STXBP4: variants seen among roughly 807,000 people sequenced by gnomAD.
STXBP4 encodes syntaxin-binding protein 4.
Under a neutral mutation model 76.1 loss-of-function variants are expected in STXBP4, and 55 were observed. The ratio of observed to expected loss-of-function variants is 0.72; its 90% CI spans 0.58 to 0.91. STXBP4 has a LOEUF of 0.91. STXBP4 is among the 40% of genes least tolerant of loss of function. The pLI is 0.00. For missense variants in STXBP4, 618 were observed against 636.9 expected (o/e 0.97, Z 0.32); for synonymous variants, 201 against 220.2 (o/e 0.91, Z 0.77).
chr17:55,130,631 T>C (rs2079964246), intron 16 of STXBP4, among the ~76,000 whole-genome samples: 1 of 152,186 alleles, frequency 6.6e-6, no homozygotes, highest in South Asian at 2.1e-4. Context: ...TTATCCCTCC[T>C]ATGTAACTGA....
At chr17:54,995,693 AGATAAATATCAGGATCAGGCCTCTG>A (rs1483159337) in intron 4 of STXBP4, among the ~76,000 whole-genome samples, 6 of 152,244 alleles carry the variant, frequency 3.9e-5, no homozygotes, top group Non-Finnish European at 7.3e-5. Context: ...TAAGGCTTTT[AGATAAATATCAGGATCAGGCCTCTG>A]GATGGCAAAC....
rs946306342 is a variant in STXBP4, at chr17:55,168,900, C to G, written c.*8989C>G. The G allele has an allele frequency of 2.6e-4, 39 of 152,234 alleles. No individual in the cohort carries two copies. Among genetic ancestry groups the G allele is most frequent in the Admixed American group, 9.2e-4 (14 of 15,294 alleles). 9.4% of individuals were successfully genotyped at this position (152,234 alleles called of 1,614,324 possible). On this transcript the variant is annotated 3_prime_UTR_variant, in exon 18 of 18. Coordinates refer to ENST00000376352, the MANE Select transcript of STXBP4 (RefSeq NM_178509.6). ...GACTTAATAGAAAAATTTTAGATAA[C>G]AATCAGGATTCATACTCTTCTCAAT...
chr17:55,077,560 G>A (rs1294800953), intron 13 of STXBP4, among the ~76,000 whole-genome samples: 2 of 152,186 alleles, frequency 1.3e-5, no homozygotes, highest in Middle Eastern at 3.4e-3. Flanking sequence ...TAGGCCACCA[G>A]GGATCAGCAT....
chr17:55,005,965 G>GTA (rs1182964325), intron 7 of STXBP4, among the ~76,000 whole-genome samples: 2 of 151,776 alleles, frequency 1.3e-5, no homozygotes, highest in East Asian at 3.9e-4. Flanking sequence ...GTGTATGTGT[G>GTA]TATATATATG....
At chr17:55,155,412 T>A (rs1025162407) in intron 17 of STXBP4, among the ~76,000 whole-genome samples, 1 of 152,222 alleles carries the variant, frequency 6.6e-6, no homozygotes, top group South Asian at 2.1e-4. Context: ...TTCCAGTGAT[T>A]CAAAGTTACT....
chr17:55,182,196 T>C, the STXBP4 span, among the ~76,000 whole-genome samples: 4 of 152,252 alleles, frequency 2.6e-5, no homozygotes, highest in East Asian at 7.7e-4. Flanking sequence ...TTCTAGATAA[T>C]GGAATTATTA....
At chr17:55,033,284 G>T (rs1408056415) in intron 9 of STXBP4, among the ~76,000 whole-genome samples, 1 of 152,116 alleles carries the variant, frequency 6.6e-6, no homozygotes, top group African/African-American at 2.4e-5. Context: ...TGAGGCAAGA[G>T]AATCGCTTGA....
At chr17:55,204,215 G>A in the STXBP4 span, among the ~76,000 whole-genome samples, 1 of 151,620 alleles carries the variant, frequency 6.6e-6, no homozygotes, top group Admixed American at 6.6e-5. Flanking sequence ...GGTTAATTTG[G>A]TGTTAAACTA....
chr17:55,128,805 G>C (rs1319091827), intron 16 of STXBP4, among the ~76,000 whole-genome samples: 1 of 152,006 alleles, frequency 6.6e-6, no homozygotes. Context: ...TGTAGAGACG[G>C]GGTTGCACCA....
chr17:55,084,603 T>A (rs1013795723), intron 16 of STXBP4, among the ~76,000 whole-genome samples: 17 of 151,784 alleles, frequency 1.1e-4, no homozygotes, highest in African/African-American at 3.9e-4. Flanking sequence ...TCTAGGGTTT[T>A]TATGGTTTTA....
At chr17:55,211,796 G>GTTTTTTT in the STXBP4 span, among the ~76,000 whole-genome samples, 11 of 35,000 alleles carry the variant, frequency 3.1e-4, no homozygotes, top group African/African-American at 1.2e-3. Context: ...CCTGTTTTTT[G>GTTTTTTT]TTGTTTTTTT....
the STXBP4 span, among the ~76,000 whole-genome samples, chr17:55,211,622 C>T: frequency 3.3e-5 from 5 of 151,742 alleles, no homozygotes; most frequent in Non-Finnish European, 5.9e-5. Flanking sequence ...TTTTGATATC[C>T]GATGCTTCAC....
rs11079150 is a variant in STXBP4, at chr17:55,017,700, G to T, written c.666+10103G>T. 2.0e-5 allele frequency among the ~76,000 whole-genome samples: 3 copies of T among 151,954 alleles called. No individual in the cohort carries two copies. The East Asian group carries it at 5.8e-4, about 30-fold the overall frequency. On this transcript the variant is annotated intron_variant, in intron 8 of 17. Transcript: ENST00000376352. ...TCAACTGGCTAAAGCCGGGAGTTCG[G>T]GACGACAGCTTTCTTACTCTAGTCG...
chr17:55,039,517 T>C (rs1051387030), intron 10 of STXBP4, among the ~76,000 whole-genome samples: 2 of 152,176 alleles, frequency 1.3e-5, no homozygotes, highest in Middle Eastern at 3.4e-3. Context: ...GTGTTGGTTA[T>C]CTAGGAAGGG....
At chr17:55,181,775 C>T in the STXBP4 span, among the ~76,000 whole-genome samples, 4 of 152,148 alleles carry the variant, frequency 2.6e-5, no homozygotes, top group African/African-American at 9.7e-5. Context: ...CCTATTTACC[C>T]TTAGGGTATC....
At chr17:55,144,324 A>G (rs914460662) in intron 17 of STXBP4, among the ~76,000 whole-genome samples, 35 of 151,928 alleles carry the variant, frequency 2.3e-4, no homozygotes, top group African/African-American at 8.2e-4. Context: ...TTTTTGTTGG[A>G]ACTTAACCCT....
chr17:55,208,577 A>AGAAG, the STXBP4 span, among the ~76,000 whole-genome samples: 478 of 90,390 alleles, frequency 5.3e-3, 16 homozygotes, highest in East Asian at 0.027. Context: ...GAGGGAGGGA[A>AGAAG]GAAGGAAGGA....
intron 16 of STXBP4, among the ~76,000 whole-genome samples, chr17:55,140,733 G>T (rs534697154): frequency 2.0e-5 from 3 of 152,250 alleles, no homozygotes; most frequent in African/African-American, 7.2e-5. Flanking sequence ...TTAGCAAATT[G>T]TTTGGCCGTT....
At chr17:55,203,867 G>T in the STXBP4 span, among the ~76,000 whole-genome samples, 1 of 151,704 alleles carries the variant, frequency 6.6e-6, no homozygotes, top group African/African-American at 2.4e-5. Context: ...TCATTTCACT[G>T]GTTTTAAGAT....
Sources: gnomAD v4.1 joint callset for allele counts (sites outside exome capture counted in the v4.1 genomes callset) on GRCh38, gnomAD v4.1.1 for gene constraint, MANE v1.5 for transcripts, NCBI Gene and HGNC (gene_info 2026-07-23, HGNC 2026-07-21) for gene names.